ARID5B: variants seen among roughly 807,000 people sequenced by gnomAD.
The protein encoded by ARID5B is AT-rich interactive domain-containing protein 5B.
In ARID5B, 13 loss-of-function variants were observed where a neutral mutation model predicts 97.2. The ratio of observed to expected loss-of-function variants is 0.13; its 90% CI spans 0.09 to 0.21. ARID5B has a LOEUF of 0.21. ARID5B is among the 10% of genes least tolerant of loss of function. The pLI is 1.00. For synonymous variants in ARID5B, 556 were observed against 570.3 expected, an observed-to-expected ratio of 0.97 and a Z score of 0.36; for missense variants, 1,210 against 1,465.3, an observed-to-expected ratio of 0.83 and a Z score of 2.84.
chr10:62,062,657 A>G (rs922419961), intron 7 of ARID5B, among the ~76,000 whole-genome samples: 1 of 151,558 alleles, frequency 6.6e-6, no homozygotes, highest in Non-Finnish European at 1.5e-5. Flanking sequence ...TCTGACAAGT[A>G]TTTTTGCATT....
chr10:62,019,727 C>T (rs527850370), intron 4 of ARID5B, among the ~76,000 whole-genome samples: 8 of 152,294 alleles, frequency 5.3e-5, no homozygotes, highest in South Asian at 4.1e-4. Context: ...TGAGTTCATT[C>T]GAAGGTGTCC....
At chr10:61,987,637 C>G (rs945131519) in intron 3 of ARID5B, among the ~76,000 whole-genome samples, 2 of 152,236 alleles carry the variant, frequency 1.3e-5, no homozygotes, top group Non-Finnish European at 2.9e-5. Flanking sequence ...AATCACACAA[C>G]TGTGCCGTCG....
chr10:62,081,614 C>T (rs950812008), intron 8 of ARID5B, among the ~76,000 whole-genome samples: 2 of 152,180 alleles, frequency 1.3e-5, no homozygotes, highest in African/African-American at 4.8e-5. Flanking sequence ...TAATGCAAGG[C>T]TGCTGGTTTT....
rs147659333 is a variant in ARID5B, at chr10:61,973,336, C to T, written c.503-26755C>T. Among the ~76,000 whole-genome samples, 174 of 152,268 alleles carry T rather than the reference C, an allele frequency of 1.1e-3. 1 individual carries two copies. Among genetic ancestry groups the T allele is most frequent in the African/African-American group, 4.0e-3 (167 of 41,546 alleles). ...TGAGACCCTCTGTGAAAGGGTTAAC[C>T]CAAAAGGTTTTGTAGCCAATGAGCA... On this transcript the variant is annotated intron_variant, in intron 3 of 9. Transcript: ENST00000279873.
At chr10:61,965,874 C>T (rs558433658) in intron 3 of ARID5B, among the ~76,000 whole-genome samples, 11 of 152,182 alleles carry the variant, frequency 7.2e-5, no homozygotes, top group African/African-American at 2.4e-4. Flanking sequence ...AAAATAAATG[C>T]TTTGGTTGAA....
chr10:61,935,740 TA>T (rs1564606413), intron 2 of ARID5B, among the ~76,000 whole-genome samples: 1 of 152,082 alleles, frequency 6.6e-6, no homozygotes. Flanking sequence ...AAAAATAAAA[TA>T]AAATAGCAAT....
chr10:62,069,931 C>T (rs1435194471), intron 8 of ARID5B, 134 bp downstream of exon 8: 1 of 769,154 alleles, frequency 1.3e-6, no homozygotes, highest in African/African-American at 1.8e-5. Context: ...TTTTACTTTG[C>T]ATACCGCCTT....
At position 62,092,688 on chromosome 10, in the gene ARID5B, C is replaced by T. The variant is rs1406626068; in HGVS notation, c.3225C>T (p.Ser1075=). ...AAGGCCACAAGCTTCCCCTCTCCTCCCCTATCTTCCCAGGTCTGTATTCCG... is the reference window on the plus strand; with the variant it reads ...AAGGCCACAAGCTTCCCCTCTCCTCTCCTATCTTCCCAGGTCTGTATTCCG... ...GSEGHKLPLS[S]PIFPGLYSGS... is the part of the protein sequence containing the mutation. Residue 1075 remains serine (S), a synonymous_variant, in exon 10 of 10, where the codon TCC becomes TCT. Coordinates refer to ENST00000279873, the MANE Select transcript of ARID5B (RefSeq NM_032199.3). 3 of 1,614,066 alleles carry T rather than the reference C, an allele frequency of 1.9e-6. No homozygotes were observed. The highest frequency in any genetic ancestry group is 2.5e-6 in the Non-Finnish European group (3 of 1,179,990).
At chr10:61,906,851 G>C (rs1377043590) in intron 2 of ARID5B, among the ~76,000 whole-genome samples, 1 of 152,162 alleles carries the variant, frequency 6.6e-6, no homozygotes, top group Non-Finnish European at 1.5e-5. Context: ...CTGTGCCTCC[G>C]TTTTCTCATC....
intron 2 of ARID5B, among the ~76,000 whole-genome samples, chr10:61,939,202 T>C (rs1844357661): frequency 6.6e-6 from 1 of 152,138 alleles, no homozygotes; most frequent in Admixed American, 6.5e-5. Context: ...TCTTCAGAAA[T>C]GTGAAATAAA....
At chr10:61,979,559 C>T (rs867075488) in intron 3 of ARID5B, among the ~76,000 whole-genome samples, 11 of 152,068 alleles carry the variant, frequency 7.2e-5, no homozygotes, top group Non-Finnish European at 1.0e-4. Flanking sequence ...TTTCTCCAGG[C>T]GTCTCCCACG....
intron 3 of ARID5B, among the ~76,000 whole-genome samples, chr10:61,944,132 T>C (rs1844461937): frequency 6.6e-6 from 1 of 152,192 alleles, no homozygotes; most frequent in African/African-American, 2.4e-5. Flanking sequence ...ATTATGACTT[T>C]ACTCAGTGAG....
intron 4 of ARID5B, among the ~76,000 whole-genome samples, chr10:62,048,443 T>G (rs1839740844): frequency 6.6e-6 from 1 of 152,180 alleles, no homozygotes; most frequent in Non-Finnish European, 1.5e-5. Flanking sequence ...GAATTTGATT[T>G]TGAGTCCTGA....
chr10:61,950,055 A>G (rs1446206885), intron 3 of ARID5B, among the ~76,000 whole-genome samples: 1 of 152,066 alleles, frequency 6.6e-6, no homozygotes, highest in African/African-American at 2.4e-5. Context: ...TCACCCAGGC[A>G]GGAGTGCAGT....
At chr10:62,047,190 G>A (rs747769138) in intron 4 of ARID5B, among the ~76,000 whole-genome samples, 150 of 152,302 alleles carry the variant, frequency 9.8e-4, no homozygotes, top group Middle Eastern at 3.4e-3. Flanking sequence ...TGGGGATAAG[G>A]ATCATGCCTT....
intron 3 of ARID5B, among the ~76,000 whole-genome samples, chr10:61,980,978 C>T (rs563546867): frequency 6.6e-6 from 1 of 152,312 alleles, no homozygotes; most frequent in Non-Finnish European, 1.5e-5. Context: ...TTTGTGTCAT[C>T]GGTTCATCTG....
At position 62,049,419 on chromosome 10, in the gene ARID5B, A is replaced by C. The variant is rs1370128203; in HGVS notation, c.734-1469A>C. On this transcript the variant is annotated intron_variant, in intron 4 of 9. Coordinates refer to ENST00000279873, the MANE Select transcript of ARID5B (RefSeq NM_032199.3). ...ACTTCCAGGGATGTGGCCGGGGAGC[A>C]GTCACATGCTGTAGCTTTCATGAGC... 5 of 1,550,400 alleles carry C rather than the reference A, an allele frequency of 3.2e-6. No homozygotes were observed. In the East Asian group the frequency reaches 1.2e-4, roughly 38 times the overall value.
chr10:62,016,388 G>A (rs1472406646), intron 4 of ARID5B, among the ~76,000 whole-genome samples: 1 of 152,126 alleles, frequency 6.6e-6, no homozygotes, highest in African/African-American at 2.4e-5. Context: ...TTTTATATGT[G>A]CCACATTGCA....
intron 2 of ARID5B, among the ~76,000 whole-genome samples, chr10:61,931,189 GC>G (rs1264101460): frequency 1.3e-5 from 2 of 152,106 alleles, no homozygotes; most frequent in Non-Finnish European, 2.9e-5. Context: ...CTTATTGAGG[GC>G]CCCAAGGAGC....
Sources: gnomAD v4.1 joint callset for allele counts (sites outside exome capture counted in the v4.1 genomes callset) on GRCh38, gnomAD v4.1.1 for gene constraint, MANE v1.5 for transcripts, NCBI Gene and HGNC (gene_info 2026-07-23, HGNC 2026-07-21) for gene names.